CFAP299: variants seen among roughly 807,000 people sequenced by gnomAD.
CFAP299 encodes the protein cilia- and flagella-associated protein 299.
Under a neutral mutation model 27.0 loss-of-function variants are expected in CFAP299, and 21 were observed. That is an observed-to-expected ratio of 0.78 (90% CI 0.55 to 1.12). CFAP299 has a LOEUF of 1.12. Ranked by LOEUF, CFAP299 falls within the 50% of genes most tolerant of loss-of-function variation. The pLI is 0.00. For synonymous variants in CFAP299, 104 were observed against 98.1 expected, an observed-to-expected ratio of 1.06 and a Z score of -0.36; for missense variants, 310 against 276.6, an observed-to-expected ratio of 1.12 and a Z score of -0.86.
At chr4:80,594,473 G>A (rs78483010) in intron 3 of CFAP299, among the ~76,000 whole-genome samples, 4,769 of 152,150 alleles carry the variant, frequency 0.031, 261 homozygotes, top group African/African-American at 0.11. Context: ...CATATCACTA[G>A]GATTGGGCTG....
At chr4:80,679,982 C>T (rs1234860532) in intron 3 of CFAP299, among the ~76,000 whole-genome samples, 5 of 152,116 alleles carry the variant, frequency 3.3e-5, no homozygotes, top group Admixed American at 1.3e-4. Flanking sequence ...ACATGTCATT[C>T]CTCAACTCCT....
At chr4:80,655,345 G>A (rs1740499847) in intron 3 of CFAP299, among the ~76,000 whole-genome samples, 1 of 151,984 alleles carries the variant, frequency 6.6e-6, no homozygotes, top group Non-Finnish European at 1.5e-5. Flanking sequence ...ATAAGCTATC[G>A]TCTATTGCTG....
intron 3 of CFAP299, among the ~76,000 whole-genome samples, chr4:80,589,551 T>C (rs1346529374): frequency 2.0e-5 from 3 of 152,138 alleles, no homozygotes; most frequent in Non-Finnish European, 4.4e-5. Context: ...ATATATGTAA[T>C]ACATAAAGCT....
chr4:80,587,985 C>A (rs1379151036), intron 3 of CFAP299, among the ~76,000 whole-genome samples: 1 of 151,160 alleles, frequency 6.6e-6, no homozygotes, highest in South Asian at 2.1e-4. Flanking sequence ...GTTCTCTCAT[C>A]TAAAACCTGT....
chr4:80,524,197 C>A (rs36092975), intron 2 of CFAP299, among the ~76,000 whole-genome samples: 15,699 of 152,112 alleles, frequency 0.1, 950 homozygotes, highest in Middle Eastern at 0.2. Context: ...TATCCAGCCA[C>A]AAAATGTTGA....
At chr4:80,850,962 TA>T (rs1731487457) in intron 3 of CFAP299, among the ~76,000 whole-genome samples, 1 of 152,146 alleles carries the variant, frequency 6.6e-6, no homozygotes, top group African/African-American at 2.4e-5. Context: ...CAGAAGCTTC[TA>T]CTTTTTGGTT....
chr4:80,963,588 C>G lies in CFAP299; in HGVS notation c.678C>G (p.Asp226Glu). The G allele has an allele frequency of 6.2e-7, 1 of 1,603,664 alleles. No homozygotes were observed. ...TELYVQAVIF[D>E]HISRRKT ...TCTACGTACAAGCTGTCATTTTTGA[C>G]CACATTTCCAGAAGGAAGACTTAAG... Residue 226 changes from aspartate (D) to glutamate (E), a missense_variant, in exon 6 of 6, where the codon GAC (aspartate) becomes GAG (glutamate). By Grantham distance (45) the Asp-to-Glu change is conservative. Transcript: ENST00000358105.
At chr4:80,899,908 A>G (rs959869556) in intron 4 of CFAP299, among the ~76,000 whole-genome samples, 1 of 152,228 alleles carries the variant, frequency 6.6e-6, no homozygotes, top group African/African-American at 2.4e-5. Context: ...GAAATGTTTA[A>G]GAAGAGATGA....
rs187476047 is a variant in CFAP299 at position 80,525,057 on chromosome 4, G to C, written c.243-58036G>C. ...TCCTAGAGGCTGCCCACAGTTCCCT[G>C]CCATACAGATCTCTCCATAAGCAGT... On this transcript the variant is annotated intron_variant, in intron 2 of 5. Coordinates refer to ENST00000358105, the MANE Select transcript of CFAP299 (RefSeq NM_152770.3). 7.6e-4 allele frequency among the ~76,000 whole-genome samples: 115 copies of C among 152,234 alleles called. 1 individual carries two copies. The highest frequency in any genetic ancestry group is 2.7e-3 in the African/African-American group (111 of 41,550).
intron 3 of CFAP299, among the ~76,000 whole-genome samples, chr4:80,830,609 A>C (rs539553253): frequency 1.3e-5 from 2 of 152,194 alleles, no homozygotes; most frequent in South Asian, 2.1e-4. Flanking sequence ...AGGCCAAACT[A>C]TCTCAAGGGC....
intron 4 of CFAP299, among the ~76,000 whole-genome samples, chr4:80,932,504 A>G (rs1333037389): frequency 6.6e-6 from 1 of 152,186 alleles, no homozygotes; most frequent in African/African-American, 2.4e-5. Context: ...ATTACTTGAT[A>G]TTATTTGAAA....
rs867408872 is a variant in CFAP299, at chr4:80,940,921, G to T, written c.477-3889G>T. ...ATAGGTACTGAGATGATATAGTTCT[G>T]TAATGAGTAATAAAATGATCATCTA... On this transcript the variant is annotated intron_variant, in intron 4 of 5. Coordinates refer to ENST00000358105, the MANE Select transcript of CFAP299 (RefSeq NM_152770.3). 2.6e-4 allele frequency among the ~76,000 whole-genome samples: 39 copies of T among 152,252 alleles called. No homozygotes were observed. The Middle Eastern group carries it at 0.01, about 40-fold the overall frequency.
intron 3 of CFAP299, among the ~76,000 whole-genome samples, chr4:80,597,850 C>T (rs1737138466): frequency 6.6e-6 from 1 of 152,128 alleles, no homozygotes; most frequent in Non-Finnish European, 1.5e-5. Context: ...CCACTCCTGG[C>T]TAATTTTTGT....
intron 4 of CFAP299, among the ~76,000 whole-genome samples, chr4:80,938,431 T>C (rs1737028706): frequency 6.6e-6 from 1 of 152,238 alleles, no homozygotes; most frequent in Non-Finnish European, 1.5e-5. Flanking sequence ...ATGATCCTGC[T>C]GCAGATAACT....
chr4:80,873,372 A>T (rs1733210799), intron 4 of CFAP299, among the ~76,000 whole-genome samples: 1 of 152,158 alleles, frequency 6.6e-6, no homozygotes, highest in African/African-American at 2.4e-5. Context: ...AGCTGCTACT[A>T]TTATGAAATG....
At chr4:80,677,301 T>C (rs1397470611) in intron 3 of CFAP299, among the ~76,000 whole-genome samples, 1 of 152,108 alleles carries the variant, frequency 6.6e-6, no homozygotes, top group African/African-American at 2.4e-5. Context: ...TATATTATGA[T>C]CTGAAAACAT....
intron 2 of CFAP299, among the ~76,000 whole-genome samples, chr4:80,428,621 GGTTCAA>G (rs1727641929): frequency 6.6e-6 from 1 of 151,950 alleles, no homozygotes; most frequent in Non-Finnish European, 1.5e-5. Flanking sequence ...CTGCCTCCTG[GGTTCAA>G]GTGATTCTCC....
At chr4:80,596,501 A>G (rs1737070500) in intron 3 of CFAP299, among the ~76,000 whole-genome samples, 1 of 152,112 alleles carries the variant, frequency 6.6e-6, no homozygotes, top group African/African-American at 2.4e-5. Context: ...GTTAAAATTT[A>G]AAATTTCTTT....
intron 2 of CFAP299, among the ~76,000 whole-genome samples, chr4:80,534,286 A>G (rs2110190880): frequency 6.6e-6 from 1 of 151,456 alleles, no homozygotes; most frequent in East Asian, 1.9e-4. Context: ...TAAGTTATCT[A>G]CAAATGTAAT....
Sources: allele counts gnomAD v4.1 joint callset (sites outside exome capture counted in the v4.1 genomes callset), GRCh38; gene constraint gnomAD v4.1.1; transcripts MANE v1.5; gene names NCBI Gene and HGNC (gene_info 2026-07-23, HGNC 2026-07-21).